Variants in CYP39A1 observed in about 807,000 individuals in gnomAD.
CYP39A1 encodes 24-hydroxycholesterol 7-alpha-hydroxylase.
A neutral mutation model predicts 58.1 loss-of-function variants in CYP39A1; 49 were observed. That is an observed-to-expected ratio of 0.84 (90% CI 0.67 to 1.07). The LOEUF (loss-of-function observed/expected upper bound fraction) is 1.07, where lower values mean the gene tolerates loss of function less well. Among genes scored for constraint, CYP39A1 ranks in the 50% least tolerant of loss-of-function variants. CYP39A1 has a pLI of 0.00. For missense variants in CYP39A1, 531 were observed against 539.4 expected, an observed-to-expected ratio of 0.98 and a Z score of 0.16; for synonymous variants, 209 against 187.6, an observed-to-expected ratio of 1.11 and a Z score of -0.93.
At position 46,607,430 on chromosome 6, in the gene CYP39A1, C is replaced by A. The variant is rs377406431; in HGVS notation, c.932-11310G>T. 3.8e-4 allele frequency among the ~76,000 whole-genome samples: 57 copies of A among 151,534 alleles called. 2 individuals are homozygous for A. In the South Asian group the frequency reaches 0.012, roughly 32 times the overall value. ...GATGTCCTTCTTTGAGAGATGGCTTCTCTAGCTCCTTAATATTTCAAGCCC... is the reference window on the plus strand; with the variant it reads ...GATGTCCTTCTTTGAGAGATGGCTTATCTAGCTCCTTAATATTTCAAGCCC... On this transcript the variant is annotated intron_variant, in intron 7 of 11. Coordinates refer to ENST00000275016, the MANE Select transcript of CYP39A1 (RefSeq NM_016593.5).
At chr6:46,563,852 G>C (rs766622112) in intron 10 of CYP39A1, among the ~76,000 whole-genome samples, 6 of 152,164 alleles carry the variant, frequency 3.9e-5, no homozygotes, top group Non-Finnish European at 7.3e-5. Flanking sequence ...CAGATGTTTA[G>C]AAAGGTAAGG....
At chr6:46,594,842 A>C (rs1360092221) in intron 8 of CYP39A1, among the ~76,000 whole-genome samples, 1 of 152,028 alleles carries the variant, frequency 6.6e-6, no homozygotes, top group African/African-American at 2.4e-5. Context: ...GCTTATGTAT[A>C]GCCAAAGAAA....
chr6:46,580,716 G>A (rs1772087705), intron 10 of CYP39A1, among the ~76,000 whole-genome samples: 1 of 151,880 alleles, frequency 6.6e-6, no homozygotes, highest in Admixed American at 6.6e-5. Context: ...CTCAAAAAAA[G>A]AAATACACAT....
intron 10 of CYP39A1, among the ~76,000 whole-genome samples, chr6:46,570,975 C>T (rs1771558727): frequency 6.6e-6 from 1 of 152,126 alleles, no homozygotes; most frequent in Admixed American, 6.6e-5. Context: ...ATTATGTCTT[C>T]TTTGGCCCAT....
intron 7 of CYP39A1, among the ~76,000 whole-genome samples, chr6:46,602,967 A>G (rs996880419): frequency 6.6e-6 from 1 of 151,986 alleles, no homozygotes; most frequent in Non-Finnish European, 1.5e-5. Context: ...ATAAAACTAA[A>G]TAATGTGATG....
chr6:46,600,031 T>C (rs1168502927), intron 7 of CYP39A1, among the ~76,000 whole-genome samples: 1 of 152,146 alleles, frequency 6.6e-6, no homozygotes, highest in African/African-American at 2.4e-5. Context: ...CTAACACAGA[T>C]CTCCTAAAAC....
chr6:46,652,338 C>T (rs1762748620), intron 1 of CYP39A1, 68 bp downstream of exon 1: 1 of 1,464,494 alleles, frequency 6.8e-7, no homozygotes, highest in Non-Finnish European at 9.2e-7. Flanking sequence ...ACTTAAGAGT[C>T]AATGAAAGAA....
At chr6:46,583,571 T>C (rs1772279213) in intron 10 of CYP39A1, 1 of 985,408 alleles carries the variant, frequency 1.0e-6, no homozygotes, top group Non-Finnish European at 1.2e-6. Flanking sequence ...TGCTCTTTCC[T>C]GTTTGTTTTT....
intron 7 of CYP39A1, among the ~76,000 whole-genome samples, chr6:46,600,009 G>C (rs1057110771): frequency 2.0e-5 from 3 of 152,024 alleles, no homozygotes; most frequent in Non-Finnish European, 4.4e-5. Context: ...ATATATATTT[G>C]GTCTGTGGTT....
At chr6:46,612,760 C>T (rs189143842) in intron 7 of CYP39A1, among the ~76,000 whole-genome samples, 124 of 152,300 alleles carry the variant, frequency 8.1e-4, no homozygotes, top group African/African-American at 2.9e-3. Flanking sequence ...GGCTCTGCTC[C>T]TTGATCTCTT....
intron 1 of CYP39A1, among the ~76,000 whole-genome samples, chr6:46,643,935 G>C (rs1231608859): frequency 1.3e-5 from 2 of 152,144 alleles, no homozygotes; most frequent in Non-Finnish European, 2.9e-5. Flanking sequence ...GATAATTGTA[G>C]ATTATCATGC....
intron 7 of CYP39A1, among the ~76,000 whole-genome samples, chr6:46,596,545 C>A (rs1476283396): frequency 6.6e-6 from 1 of 151,844 alleles, no homozygotes; most frequent in Non-Finnish European, 1.5e-5. Context: ...TTTTCTTCTG[C>A]CTTTACCCTT....
rs776465345 is a variant in CYP39A1, at chr6:46,652,454, A to C, written c.129T>G (p.Phe43Leu). The change falls in exon 1 of 12, where the codon TTT becomes TTG. Residue 43 changes from phenylalanine to leucine, a missense_variant. Transcript: ENST00000275016. ...ATTCTAGAGGGGCTTTCCCAAACTC[A>C]AATCCAACTCCAATCCAAGGAATCC... The part of the protein sequence containing the change: ...KGWIPWIGVG[F>L]EFGKAPLEFI... 6.2e-7 allele frequency: 1 copy of C among 1,613,840 alleles called. No homozygotes were observed. The highest frequency in any genetic ancestry group is 1.1e-5 in the South Asian group (1 of 90,984).
intron 8 of CYP39A1, among the ~76,000 whole-genome samples, chr6:46,592,041 A>G (rs1772868051): frequency 6.6e-6 from 1 of 152,154 alleles, no homozygotes; most frequent in Non-Finnish European, 1.5e-5. Context: ...CTTTTCTACT[A>G]AACATATAAA....
intron 10 of CYP39A1, among the ~76,000 whole-genome samples, chr6:46,555,820 G>A (rs531674863): frequency 6.6e-6 from 1 of 152,250 alleles, no homozygotes; most frequent in East Asian, 1.9e-4. Context: ...TATTTCAAAT[G>A]AAATCTGGAG....
chr6:46,603,087 AC>A (rs543330516), intron 7 of CYP39A1, among the ~76,000 whole-genome samples: 254 of 152,274 alleles, frequency 1.7e-3, no homozygotes, highest in African/African-American at 5.8e-3. Context: ...CATATATTGG[AC>A]CCTATTCTCC....
intron 10 of CYP39A1, among the ~76,000 whole-genome samples, chr6:46,564,173 C>T (rs806497): frequency 0.15 from 20,530 of 135,544 alleles, 3,852 homozygotes; most frequent in African/African-American, 0.43. Context: ...CTATTTTATT[C>T]TATTTTATTC....
chr6:46,605,180 G>A (rs1438867834), intron 7 of CYP39A1, among the ~76,000 whole-genome samples: 2 of 152,244 alleles, frequency 1.3e-5, no homozygotes, highest in East Asian at 3.9e-4. Context: ...GAAAACCACT[G>A]CCTAGCAGTA....
At chr6:46,619,661 A>G (rs1774835840) in intron 7 of CYP39A1, among the ~76,000 whole-genome samples, 1 of 152,104 alleles carries the variant, frequency 6.6e-6, no homozygotes, top group Non-Finnish European at 1.5e-5. Context: ...ATTTACCAGT[A>G]GGTACATGTC....
Sources: allele counts gnomAD v4.1 joint callset (sites outside exome capture counted in the v4.1 genomes callset), GRCh38; gene constraint gnomAD v4.1.1; transcripts MANE v1.5; gene names NCBI Gene and HGNC (gene_info 2026-07-23, HGNC 2026-07-21).